Variants in SLC16A7 observed in about 807,000 individuals in gnomAD.
SLC16A7 encodes monocarboxylate transporter 2.
SLC16A7 carries 33 observed loss-of-function variants against 34.9 expected under a neutral mutation model. The ratio of observed to expected loss-of-function variants is 0.94; its 90% CI spans 0.72 to 1.26. The LOEUF is 1.26. SLC16A7 is among the 50% of genes most tolerant of loss of function. The probability of loss-of-function intolerance (pLI) is 0.00; values close to 1 mark genes in which losing one functional copy is unlikely to be tolerated. For missense variants in SLC16A7, 573 were observed against 578.1 expected (o/e 0.99, Z 0.09); for synonymous variants, 201 against 206.6 (o/e 0.97, Z 0.23).
At chr12:59,638,921 C>A (rs1592421266) in intron 1 of SLC16A7, among the ~76,000 whole-genome samples, 2 of 152,184 alleles carry the variant, frequency 1.3e-5, no homozygotes, top group South Asian at 2.1e-4. Context: ...CAGTTTTAAT[C>A]TTTCATTGGG....
intron 3 of SLC16A7, among the ~76,000 whole-genome samples, chr12:59,738,703 C>T (rs913296960): frequency 6.6e-6 from 1 of 152,104 alleles, no homozygotes; most frequent in Admixed American, 6.5e-5. Context: ...ATGCTAATGA[C>T]TGCTCATAGG....
chr12:59,724,155 G>A (rs1025941935), intron 3 of SLC16A7, among the ~76,000 whole-genome samples: 2 of 152,038 alleles, frequency 1.3e-5, no homozygotes, highest in Non-Finnish European at 2.9e-5. Flanking sequence ...TGCAAGTGCA[G>A]AGCAGCTTCT....
intron 3 of SLC16A7, 120 bp from the exon 4 acceptor site, chr12:59,771,099 A>T: frequency 1.2e-6 from 1 of 846,850 alleles, no homozygotes; most frequent in Non-Finnish European, 1.9e-6. Context: ...CATGTGAACT[A>T]GTATTTCTCC....
chr12:59,672,879 T>C (rs1158297479), intron 2 of SLC16A7, among the ~76,000 whole-genome samples: 1 of 152,178 alleles, frequency 6.6e-6, no homozygotes, highest in Non-Finnish European at 1.5e-5. Context: ...TTTATTTGTA[T>C]TCTTACCTGG....
intron 3 of SLC16A7, among the ~76,000 whole-genome samples, chr12:59,730,411 G>A (rs903297541): frequency 6.6e-6 from 1 of 150,972 alleles, no homozygotes; most frequent in African/African-American, 2.4e-5. Context: ...TTCCAAAATG[G>A]CACCTATTTC....
intron 3 of SLC16A7, among the ~76,000 whole-genome samples, chr12:59,766,150 G>A (rs1462380732): frequency 1.3e-5 from 2 of 151,830 alleles, no homozygotes; most frequent in Non-Finnish European, 2.9e-5. Flanking sequence ...TTGGTGTATA[G>A]GAATGCTTGT....
intron 1 of SLC16A7, among the ~76,000 whole-genome samples, chr12:59,609,810 A>T (rs1879111497): frequency 6.6e-6 from 1 of 152,126 alleles, no homozygotes. Context: ...TAAATATATG[A>T]TTTTTTGGTA....
intron 2 of SLC16A7, among the ~76,000 whole-genome samples, chr12:59,660,694 G>A (rs1270837955): frequency 6.6e-6 from 1 of 152,048 alleles, no homozygotes; most frequent in Non-Finnish European, 1.5e-5. Context: ...GGGTGAAAGA[G>A]TGAGACCCTG....
chr12:59,633,728 A>G (rs1849136611), intron 1 of SLC16A7, among the ~76,000 whole-genome samples: 1 of 151,910 alleles, frequency 6.6e-6, no homozygotes, highest in Non-Finnish European at 1.5e-5. Context: ...GTGGAAGGTG[A>G]AGGGGAAGCA....
At chr12:59,655,310 T>C (rs1312613715) in intron 2 of SLC16A7, 60 bp downstream of exon 2, 1 of 151,906 alleles carries the variant, frequency 6.6e-6, no homozygotes, top group East Asian at 1.9e-4. Context: ...AGTCATGCTG[T>C]TTATGCAATT....
chr12:59,647,778 C>T (rs939124952), intron 1 of SLC16A7, among the ~76,000 whole-genome samples: 1 of 152,060 alleles, frequency 6.6e-6, no homozygotes, highest in African/African-American at 2.4e-5. Context: ...GAGTGTGGCT[C>T]ATTCCTGTAA....
In SLC16A7 at chr12:59,768,011, G is replaced by A. The variant is rs1881852988; in HGVS notation, c.218-3208G>A. 1.1e-5 allele frequency: 4 copies of A among 356,182 alleles called. No homozygotes were observed. The Admixed American group carries it at 1.4e-4, about 12-fold the overall frequency. The allele number at this position is 356,182 out of a possible 1,614,324, so 22.1% of individuals were successfully genotyped here. ...TAATGTAAATGAGGAGTTAATGGAT[G>A]CAGCACACCAACATGGCCCATGTAT... On this transcript the variant is annotated intron_variant, in intron 3 of 5. Transcript: ENST00000547379.
chr12:59,659,208 GCACA>G (rs111940721), intron 2 of SLC16A7, among the ~76,000 whole-genome samples: 2 of 149,616 alleles, frequency 1.3e-5, no homozygotes, highest in Admixed American at 1.3e-4. Flanking sequence ...GCATGTGCAC[GCACA>G]CACACACACA....
intron 2 of SLC16A7, among the ~76,000 whole-genome samples, chr12:59,680,700 GT>G (rs200422807): frequency 6.4e-4 from 95 of 147,650 alleles, no homozygotes; most frequent in African/African-American, 1.7e-3. Context: ...ATGTATTCAT[GT>G]TTTTTTTTTA....
intron 4 of SLC16A7, among the ~76,000 whole-genome samples, 162 bp from the exon 5 acceptor site, chr12:59,774,492 CTTA>C (rs1453183893): frequency 1.3e-5 from 2 of 151,984 alleles, no homozygotes; most frequent in African/African-American, 4.8e-5. Flanking sequence ...TTATGAAAAC[CTTA>C]TTGTTTTGTG....
At chr12:59,739,854 G>A (rs1878086326) in intron 3 of SLC16A7, among the ~76,000 whole-genome samples, 2 of 152,282 alleles carry the variant, frequency 1.3e-5, no homozygotes, top group South Asian at 4.2e-4. Context: ...TTTGAGAATT[G>A]TCTGTTCATG....
chr12:59,672,191 C>T (rs4760156), intron 2 of SLC16A7, among the ~76,000 whole-genome samples: 2 of 24,768 alleles, frequency 8.1e-5, no homozygotes, highest in South Asian at 1.3e-3. Context: ...TGCATATATA[C>T]GTATATATAC....
rs148960753 is a variant in SLC16A7, at chr12:59,704,314, A to G, written c.-30-458A>G. 1.4e-4 allele frequency among the ~76,000 whole-genome samples: 22 copies of G among 152,274 alleles called. No individual in the cohort carries two copies. The East Asian group carries it at 4.0e-3, about 28-fold the overall frequency. On this transcript the variant is annotated intron_variant, in intron 2 of 5. Transcript: ENST00000547379. ...CAACAGAAAGCAATAAAAAAAGCCA[A>G]TAGATCATGTCAAAAGGCTTTGCAT... is the stretch of plus-strand genomic sequence containing the variant.
intron 3 of SLC16A7, among the ~76,000 whole-genome samples, chr12:59,736,656 C>A (rs1877641667): frequency 6.6e-6 from 1 of 152,174 alleles, no homozygotes; most frequent in African/African-American, 2.4e-5. Context: ...AATAACTTGA[C>A]CACAGATGAC....
Sources: allele counts gnomAD v4.1 joint callset (sites outside exome capture counted in the v4.1 genomes callset), GRCh38; gene constraint gnomAD v4.1.1; transcripts MANE v1.5; gene names NCBI Gene and HGNC (gene_info 2026-07-23, HGNC 2026-07-21).